The following RBFOX1 variants were observed in gnomAD, a reference collection of about 807,000 sequenced individuals.
RBFOX1 encodes the protein RNA binding protein fox-1 homolog 1.
A neutral mutation model predicts 57.7 loss-of-function variants in RBFOX1; 8 were observed. The ratio of observed to expected loss-of-function variants is 0.14; its 90% CI spans 0.08 to 0.25. The LOEUF is 0.25. Among genes scored for constraint, RBFOX1 ranks in the 10% least tolerant of loss-of-function variants. The pLI is 1.00. For missense variants in RBFOX1, 611 were observed against 548.5 expected, an observed-to-expected ratio of 1.11 and a Z score of -1.14; for synonymous variants, 326 against 222.4, an observed-to-expected ratio of 1.47 and a Z score of -4.15.
Position 6,090,367 on chromosome 16 carries a change from A to T in RBFOX1, c.-127+70375A>T, listed in dbSNP as rs566948799. ...CAGGTATCATGACATGCACATCTTTAAGAGGCTGCTATTCTGCAGATCACA... is the reference window on the plus strand; with the variant it reads ...CAGGTATCATGACATGCACATCTTTTAGAGGCTGCTATTCTGCAGATCACA... On this transcript the variant is annotated intron_variant, in intron 1 of 15. Coordinates refer to ENST00000550418, the MANE Select transcript of RBFOX1 (RefSeq NM_018723.4). Among the ~76,000 whole-genome samples the T allele has an allele frequency of 4.6e-5, 7 of 152,294 alleles. No individual in the cohort carries two copies. The East Asian group carries it at 1.4e-3, about 29-fold the overall frequency.
intron 4 of RBFOX1, among the ~76,000 whole-genome samples, chr16:7,219,287 A>G (rs1250304520): frequency 6.6e-6 from 1 of 152,226 alleles, no homozygotes; most frequent in Non-Finnish European, 1.5e-5. Context: ...TGCCAAAGTT[A>G]AGGACTGTAA....
intron 4 of RBFOX1, among the ~76,000 whole-genome samples, chr16:7,453,932 G>T (rs1350234652): frequency 1.3e-5 from 2 of 152,146 alleles, no homozygotes; most frequent in African/African-American, 4.8e-5. Context: ...CTGGTAGGGG[G>T]ATTAAGAAAG....
At chr16:6,797,524 T>G (rs1187665548) in intron 3 of RBFOX1, among the ~76,000 whole-genome samples, 1 of 152,132 alleles carries the variant, frequency 6.6e-6, no homozygotes, top group Non-Finnish European at 1.5e-5. Context: ...TCCTGTGACA[T>G]CATTCATTTA....
intron 4 of RBFOX1, among the ~76,000 whole-genome samples, chr16:7,419,925 C>CTTTTTTTTTTTTTTTTTTT: frequency 9.8e-6 from 1 of 101,730 alleles, no homozygotes; most frequent in Non-Finnish European, 1.9e-5. Context: ...TTCTTTCTTC[C>CTTTTTTTTTTTTTTTTTTT]TTTTTTTTTT....
At chr16:5,492,528 G>T (rs907077828) in intron 2 of RBFOX1, among the ~76,000 whole-genome samples, 1 of 152,236 alleles carries the variant, frequency 6.6e-6, no homozygotes, top group South Asian at 2.1e-4. Flanking sequence ...AAGATGAAGA[G>T]ATTTTAATGG....
chr16:5,819,382 C>G (rs1209915985), intron 3 of RBFOX1, among the ~76,000 whole-genome samples: 3 of 152,198 alleles, frequency 2.0e-5, no homozygotes, highest in Non-Finnish European at 2.9e-5. Flanking sequence ...ATTTAGACCA[C>G]AGCACCTGGG....
intron 3 of RBFOX1, among the ~76,000 whole-genome samples, chr16:5,750,336 A>T (rs2079735): frequency 0.3 from 45,983 of 152,140 alleles, 7,337 homozygotes; most frequent in East Asian, 0.6. Context: ...GAGGAGGCAG[A>T]CTGTCCATTC....
intron 3 of RBFOX1, among the ~76,000 whole-genome samples, chr16:6,978,310 T>A (rs901931333): frequency 6.6e-6 from 1 of 152,232 alleles, no homozygotes; most frequent in East Asian, 1.9e-4. Context: ...ATGCAAGAAA[T>A]TGGGATTCTT....
intron 1 of RBFOX1, among the ~76,000 whole-genome samples, chr16:6,122,802 ATG>A (rs4038155): frequency 0.17 from 24,965 of 147,548 alleles, 2,828 homozygotes; most frequent in African/African-American, 0.32. Context: ...ATGTGTGTGT[ATG>A]TGTGTGTGTG....
intron 4 of RBFOX1, among the ~76,000 whole-genome samples, chr16:7,321,131 T>TATACATATACATATACATATACA (rs1568198362): frequency 1.2e-4 from 3 of 25,148 alleles, no homozygotes; most frequent in South Asian, 3.3e-3. Flanking sequence ...ATACATATAC[T>TATACATATACATATACATATACA]TATACTTATA....
chr16:7,096,332 G>T (rs1471102311), intron 4 of RBFOX1, among the ~76,000 whole-genome samples: 1 of 152,150 alleles, frequency 6.6e-6, no homozygotes, highest in African/African-American at 2.4e-5. Flanking sequence ...GGTGGATGCA[G>T]ATCATCTCAC....
At chr16:6,581,529 C>A (rs1402307500) in intron 2 of RBFOX1, among the ~76,000 whole-genome samples, 1 of 152,170 alleles carries the variant, frequency 6.6e-6, no homozygotes, top group African/African-American at 2.4e-5. Flanking sequence ...TGAGGTGAAG[C>A]AAACCGTAGG....
At chr16:5,757,530 G>A (rs950343542) in intron 3 of RBFOX1, among the ~76,000 whole-genome samples, 5 of 152,008 alleles carry the variant, frequency 3.3e-5, no homozygotes, top group East Asian at 3.9e-4. Context: ...ACACCCAGCC[G>A]GGTGGGAAGC....
chr16:7,318,671 C>A (rs2096488994), intron 4 of RBFOX1, among the ~76,000 whole-genome samples: 1 of 152,132 alleles, frequency 6.6e-6, no homozygotes, highest in African/African-American at 2.4e-5. Flanking sequence ...GTGCAGAATA[C>A]AGCTTTTAAC....
chr16:6,134,713 T>G (rs1256725570), intron 1 of RBFOX1, among the ~76,000 whole-genome samples: 1 of 145,772 alleles, frequency 6.9e-6, no homozygotes, highest in African/African-American at 2.6e-5. Flanking sequence ...AGTCTCACTC[T>G]GTCACCCAGG....
chr16:6,602,853 A>T (rs741171), intron 2 of RBFOX1, among the ~76,000 whole-genome samples: 3 of 151,886 alleles, frequency 2.0e-5, no homozygotes, highest in African/African-American at 7.3e-5. Flanking sequence ...CACCCCCACC[A>T]TCACATGCAA....
Position 6,282,925 on chromosome 16 carries a change from A to T in RBFOX1, c.-126-34070A>T, listed in dbSNP as rs1024261823. Among the ~76,000 whole-genome samples the T allele has an allele frequency of 5.9e-4, 90 of 152,212 alleles. 1 individual carries two copies. Among genetic ancestry groups the T allele is most frequent in the African/African-American group, 2.1e-3 (88 of 41,454 alleles). ...TTTCATTGATCCTTACAACCTACTC[A>T]GTTCATAGTTAAGAGAACCCTCACT... On this transcript the variant is annotated intron_variant, in intron 1 of 15. Transcript: ENST00000550418.
At chr16:6,366,770 C>T (rs556734256) in intron 2 of RBFOX1, among the ~76,000 whole-genome samples, 1 of 152,294 alleles carries the variant, frequency 6.6e-6, no homozygotes, top group South Asian at 2.1e-4. Context: ...CTCCAGGTTG[C>T]AGAATGATCA....
At chr16:6,366,867 G>C (rs1224038730) in intron 2 of RBFOX1, among the ~76,000 whole-genome samples, 1 of 152,204 alleles carries the variant, frequency 6.6e-6, no homozygotes, top group African/African-American at 2.4e-5. Context: ...AAATATCAGA[G>C]TGGCTCTCTC....
Sources: allele counts gnomAD v4.1 joint callset (sites outside exome capture counted in the v4.1 genomes callset), GRCh38; gene constraint gnomAD v4.1.1; transcripts MANE v1.5; gene names NCBI Gene and HGNC (gene_info 2026-07-23, HGNC 2026-07-21).